The following TEAD4 variants were observed in gnomAD, a reference collection of about 807,000 sequenced individuals.
TEAD4 encodes transcriptional enhancer factor TEF-3.
TEAD4 carries 36 observed loss-of-function variants against 52.4 expected under a neutral mutation model. That is an observed-to-expected ratio of 0.69 (90% CI 0.53 to 0.91). The LOEUF is 0.91. Among genes scored for constraint, TEAD4 ranks in the 40% least tolerant of loss-of-function variants. TEAD4 has a pLI of 0.00. For missense variants in TEAD4, 508 were observed against 583.9 expected (o/e 0.87, Z 1.34); for synonymous variants, 220 against 231.0 (o/e 0.95, Z 0.43).
In TEAD4 at chr12:3,040,501, G is replaced by A. The variant is rs1565556763; in HGVS notation, c.*23G>A. On this transcript the variant is annotated 3_prime_UTR_variant, in exon 13 of 13. Coordinates refer to ENST00000359864, the MANE Select transcript of TEAD4 (RefSeq NM_003213.4). ...TGAGAGACTCGGGGAGCAGGGAGGG[G>A]GGAAGAGACGTGTGTGCAGGAAACG... is the stretch of plus-strand genomic sequence containing the variant. The A allele has an allele frequency of 2.5e-6, 4 of 1,607,648 alleles. No individual in the cohort carries two copies. The South Asian group carries it at 4.4e-5, about 18-fold the overall frequency.
At chr12:2,964,687 G>A (rs1181984913) in intron 2 of TEAD4, among the ~76,000 whole-genome samples, 1 of 150,212 alleles carries the variant, frequency 6.7e-6, no homozygotes. Context: ...GGCCAGGCTG[G>A]TCTCGAACTC....
intron 2 of TEAD4, among the ~76,000 whole-genome samples, chr12:2,989,646 C>T (rs1463768970): frequency 2.0e-5 from 3 of 152,094 alleles, no homozygotes; most frequent in East Asian, 3.9e-4. Flanking sequence ...CACTATGTTG[C>T]CCAGGCTGGT....
chr12:2,985,882 A>G lies in TEAD4; in HGVS notation c.-29-8856A>G, dbSNP rs894193025. On this transcript the variant is annotated intron_variant, in intron 2 of 12. Coordinates refer to ENST00000359864, the MANE Select transcript of TEAD4 (RefSeq NM_003213.4). ...GGGTGGATCACTACGTCAGGAGTTC[A>G]AGACCAGCCTGGCCAACAGGGCGAA... Among the ~76,000 whole-genome samples, 6 of 151,802 alleles carry G rather than the reference A, an allele frequency of 4.0e-5. No individual in the cohort carries two copies. The East Asian group carries it at 1.2e-3, about 30-fold the overall frequency.
intron 2 of TEAD4, chr12:2,960,250 G>A (rs2098214217): frequency 1.0e-6 from 1 of 977,620 alleles, no homozygotes; most frequent in Non-Finnish European, 1.2e-6. Context: ...GGTGTGGAAA[G>A]GACCGGAGAG....
At chr12:2,962,319 T>TAA (rs1555118321) in intron 2 of TEAD4, among the ~76,000 whole-genome samples, 68 of 95,418 alleles carry the variant, frequency 7.1e-4, no homozygotes, top group Non-Finnish European at 4.2e-4. Flanking sequence ...TATATAAATA[T>TAA]ATATATAAAT....
chr12:2,989,071 G>T (rs995449276), intron 2 of TEAD4, among the ~76,000 whole-genome samples: 2 of 152,114 alleles, frequency 1.3e-5, no homozygotes, highest in African/African-American at 4.8e-5. Flanking sequence ...TAGCTGGTGG[G>T]TCAGAAGCAC....
chr12:2,964,083 A>G (rs1050894238), intron 2 of TEAD4, among the ~76,000 whole-genome samples: 1 of 151,412 alleles, frequency 6.6e-6, no homozygotes, highest in Admixed American at 6.6e-5. Flanking sequence ...CTGATGACAC[A>G]TAGGGTGGGC....
chr12:3,021,307 CTTT>C (rs371527718), intron 9 of TEAD4, among the ~76,000 whole-genome samples: 1 of 133,164 alleles, frequency 7.5e-6, no homozygotes, highest in Non-Finnish European at 1.6e-5. Flanking sequence ...CTTCAAACTT[CTTT>C]TTTTTTTTTT....
intron 3 of TEAD4, among the ~76,000 whole-genome samples, chr12:3,002,444 A>G (rs936640691): frequency 6.6e-6 from 1 of 152,236 alleles, no homozygotes; most frequent in African/African-American, 2.4e-5. Flanking sequence ...TTTCCACAGC[A>G]GCTGTATCAG....
At chr12:3,012,424 C>T (rs541294251) in intron 5 of TEAD4, among the ~76,000 whole-genome samples, 192 bp downstream of exon 5, 7 of 152,146 alleles carry the variant, frequency 4.6e-5, no homozygotes, top group Non-Finnish European at 1.0e-4. Context: ...TGCCTGGCTC[C>T]CCACACCCTG....
chr12:3,001,390 T>C (rs1283385647), intron 3 of TEAD4, among the ~76,000 whole-genome samples: 1 of 152,220 alleles, frequency 6.6e-6, no homozygotes, highest in Non-Finnish European at 1.5e-5. Context: ...CATTAAACAA[T>C]AATTCCCCAT....
At chr12:2,998,796 T>A (rs2098249319) in intron 3 of TEAD4, among the ~76,000 whole-genome samples, 1 of 152,156 alleles carries the variant, frequency 6.6e-6, no homozygotes, top group Non-Finnish European at 1.5e-5. Context: ...AGCTTGGCGT[T>A]CCTCTGTCAG....
chr12:2,961,622 G>C (rs1299697170), intron 2 of TEAD4, among the ~76,000 whole-genome samples: 1 of 152,054 alleles, frequency 6.6e-6, no homozygotes, highest in Non-Finnish European at 1.5e-5. Flanking sequence ...TTTCCTGGTG[G>C]GTAATACGAG....
chr12:2,995,084 G>T (rs1233992228), intron 3 of TEAD4, 92 bp downstream of exon 3: 6 of 1,472,078 alleles, frequency 4.1e-6, no homozygotes. Flanking sequence ...CACAGAAGGG[G>T]ATGACCACTT....
Position 2,994,841 on chromosome 12 carries a change from T to C in TEAD4, c.75T>C (p.Ser25=). 6.2e-7 allele frequency: 1 copy of C among 1,613,984 alleles called. No individual in the cohort carries two copies. Among genetic ancestry groups the C allele is most frequent in the Non-Finnish European group, 8.5e-7 (1 of 1,179,986 alleles). The change falls in exon 3 of 13, where the codon TCT becomes TCC. Residue 25 remains serine, a synonymous_variant. Transcript: ENST00000359864. The surrounding 1 kb of genome is among the most constrained non-coding windows in gnomAD (Gnocchi z 4.7). Reference sequence around the variant, plus strand: ...CCTCCCCTGAGGGGAGCACCGCCTCTGGGGGCAGTCAGGCACTGGACAAGC... The same window carrying C: ...CCTCCCCTGAGGGGAGCACCGCCTCCGGGGGCAGTCAGGCACTGGACAAGC...
chr12:2,996,085 G>A (rs754154107), intron 3 of TEAD4, among the ~76,000 whole-genome samples: 1 of 149,740 alleles, frequency 6.7e-6, no homozygotes, highest in South Asian at 2.1e-4. Flanking sequence ...TGTTCCTGTT[G>A]GAAAGTCCTC....
chr12:2,964,267 C>T (rs780816571), intron 2 of TEAD4, among the ~76,000 whole-genome samples: 86 of 152,328 alleles, frequency 5.6e-4, no homozygotes, highest in Non-Finnish European at 7.3e-4. Context: ...TCCCCTCAAG[C>T]CCCTGAGATG....
intron 4 of TEAD4, 36 bp downstream of exon 4, chr12:3,011,104 G>T: frequency 6.2e-7 from 1 of 1,612,282 alleles, no homozygotes; most frequent in South Asian, 1.1e-5. Context: ...TCCCGGGGGT[G>T]GTACCCCAGC....
At position 3,020,648 on chromosome 12, in the gene TEAD4, G is replaced by A. The variant is rs763197038; in HGVS notation, c.598G>A (p.Ala200Thr). The A allele has an allele frequency of 1.3e-6, 2 of 1,582,944 alleles. No individual in the cohort carries two copies. The highest frequency in any genetic ancestry group is 1.2e-5 in the South Asian group (1 of 86,572). Residue 200 changes from alanine to threonine, a missense_variant, in exon 9 of 13, where the codon GCA becomes ACA. Transcript: ENST00000359864. The stretch of plus-strand genomic sequence containing the variant: ...ACTTTGTGCAGGGTTTGAGTCTCCT[G>A]CAGGGCCCGCCCCATCGCCCTCTGC...
Sources: gnomAD v4.1 joint callset for allele counts (sites outside exome capture counted in the v4.1 genomes callset) on GRCh38, gnomAD v4.1.1 for gene constraint, Gnocchi (gnomAD v3.1) non-coding constraint, MANE v1.5 for transcripts, NCBI Gene and HGNC (gene_info 2026-07-23, HGNC 2026-07-21) for gene names.